Variants in ARB2A observed in about 807,000 individuals in gnomAD.
The protein encoded by ARB2A is ARB2 cotranscriptional regulator A.
At chr5:93,720,197 A>T in the ARB2A span, among the ~76,000 whole-genome samples, 23 of 152,332 alleles carry the variant, frequency 1.5e-4, no homozygotes, top group East Asian at 4.3e-3. Flanking sequence ...GCTTTATTCT[A>T]ATCTATCCAA....
At chr5:93,741,912 C>CT in the ARB2A span, among the ~76,000 whole-genome samples, 1 of 206 alleles carries the variant, frequency 4.9e-3, no homozygotes, top group Non-Finnish European at 9.8e-3. Context: ...AAACTCTGGA[C>CT]CCTGATCCCC....
chr5:93,957,720 T>A, the ARB2A span, among the ~76,000 whole-genome samples: 1 of 152,072 alleles, frequency 6.6e-6, no homozygotes, highest in African/African-American at 2.4e-5. Flanking sequence ...AAATGTTTTT[T>A]AGGAGCTGGG....
At chr5:93,652,430 A>G in the ARB2A span, among the ~76,000 whole-genome samples, 997 of 152,340 alleles carry the variant, frequency 6.5e-3, 15 homozygotes, top group African/African-American at 0.023. Context: ...TTAAAAAGTG[A>G]TCTGGATTTC....
the ARB2A span, among the ~76,000 whole-genome samples, chr5:93,975,149 C>A: frequency 6.6e-6 from 1 of 151,654 alleles, no homozygotes; most frequent in Non-Finnish European, 1.5e-5. Context: ...TCTGTCTCTA[C>A]TAAAAAAATA....
chr5:93,927,998 C>CT, the ARB2A span, among the ~76,000 whole-genome samples: 277 of 147,280 alleles, frequency 1.9e-3, no homozygotes, highest in East Asian at 0.017. Flanking sequence ...TTACCAATTC[C>CT]TTTTTTTTTT....
chr5:93,959,374 T>C, the ARB2A span, among the ~76,000 whole-genome samples: 6 of 152,218 alleles, frequency 3.9e-5, no homozygotes, highest in East Asian at 3.9e-4. Context: ...TATTGATTTA[T>C]AGATGAAGAA....
At chr5:93,669,374 T>C in the ARB2A span, among the ~76,000 whole-genome samples, 2 of 152,194 alleles carry the variant, frequency 1.3e-5, no homozygotes, top group African/African-American at 4.8e-5. Flanking sequence ...AGTTAATATT[T>C]GGGGACATGT....
the ARB2A span, among the ~76,000 whole-genome samples, chr5:93,723,376 A>T: frequency 6.6e-6 from 1 of 152,242 alleles, no homozygotes; most frequent in East Asian, 1.9e-4. Flanking sequence ...CTCCCAAAAG[A>T]CATGTAGAGA....
At chr5:93,643,729 G>T in the ARB2A span, among the ~76,000 whole-genome samples, 1 of 152,048 alleles carries the variant, frequency 6.6e-6, no homozygotes, top group Non-Finnish European at 1.5e-5. Flanking sequence ...CCTGATCTCA[G>T]GTGATCCACC....
At chr5:93,717,338 T>C in the ARB2A span, among the ~76,000 whole-genome samples, 26 of 152,010 alleles carry the variant, frequency 1.7e-4, 1 homozygote. Flanking sequence ...CACCAAGCGG[T>C]GCCACTTCTG....
At chr5:94,075,569 A>G in the ARB2A span, among the ~76,000 whole-genome samples, 1 of 152,182 alleles carries the variant, frequency 6.6e-6, no homozygotes, top group African/African-American at 2.4e-5. Flanking sequence ...AACTACATTT[A>G]ATCCATTAAT....
chr5:93,865,187 T>C, the ARB2A span, among the ~76,000 whole-genome samples: 1 of 152,166 alleles, frequency 6.6e-6, no homozygotes, highest in Non-Finnish European at 1.5e-5. Context: ...GTTCTCGCCA[T>C]TCTCCTGCCT....
chr5:94,067,548 G>A, the ARB2A span, among the ~76,000 whole-genome samples: 1 of 152,084 alleles, frequency 6.6e-6, no homozygotes, highest in Non-Finnish European at 1.5e-5. Context: ...TAAATGAGCT[G>A]AGAAAGTGAT....
At chr5:93,794,637 C>T in the ARB2A span, among the ~76,000 whole-genome samples, 1 of 152,144 alleles carries the variant, frequency 6.6e-6, no homozygotes, top group Non-Finnish European at 1.5e-5. Flanking sequence ...CTCCCGCTTC[C>T]CCTAAGAATG....
chr5:93,796,257 C>A, the ARB2A span, among the ~76,000 whole-genome samples: 1 of 152,112 alleles, frequency 6.6e-6, no homozygotes, highest in Non-Finnish European at 1.5e-5. Flanking sequence ...TTGTTTTATG[C>A]CCTCAAATGT....
At chr5:94,090,798 T>C in the ARB2A span, among the ~76,000 whole-genome samples, 2 of 152,242 alleles carry the variant, frequency 1.3e-5, no homozygotes, top group Admixed American at 6.5e-5. Flanking sequence ...GTTTTTGTCA[T>C]TGGTTCTGTG....
chr5:93,812,559 TAAA>T, the ARB2A span, among the ~76,000 whole-genome samples: 4 of 152,248 alleles, frequency 2.6e-5, no homozygotes, highest in East Asian at 5.8e-4. Context: ...CACAGAAAGA[TAAA>T]TATAAAGTTT....
the ARB2A span, among the ~76,000 whole-genome samples, chr5:94,034,302 T>C: frequency 1.3e-5 from 2 of 152,178 alleles, no homozygotes; most frequent in African/African-American, 4.8e-5. Flanking sequence ...TTTGATTGAG[T>C]AAGCAGGAAA....
chr5:93,908,566 A>C, the ARB2A span, among the ~76,000 whole-genome samples: 3 of 150,768 alleles, frequency 2.0e-5, no homozygotes, highest in South Asian at 2.1e-4. Flanking sequence ...CCCTGAAGTA[A>C]ATTTAGCTAT....
Sources: gnomAD v4.1 joint callset for allele counts (sites outside exome capture counted in the v4.1 genomes callset) on GRCh38, gnomAD v4.1.1 for gene constraint, MANE v1.5 for transcripts, NCBI Gene and HGNC (gene_info 2026-07-23, HGNC 2026-07-21) for gene names.